Variants in TENM2 observed in about 807,000 individuals in gnomAD.
TENM2 encodes the protein teneurin transmembrane protein 2.
Under a neutral mutation model 245.2 loss-of-function variants are expected in TENM2, and 52 were observed. That is an observed-to-expected ratio of 0.21 (90% CI 0.17 to 0.27). The LOEUF is 0.27. TENM2 is among the 10% of genes least tolerant of loss of function. TENM2 has a pLI of 1.00. For synonymous variants in TENM2, 1,363 were observed against 1,438.9 expected (o/e 0.95, Z 1.19); for missense variants, 3,046 against 3,666.8 (o/e 0.83, Z 4.37).
chr5:168,111,263 A>C (rs1242595533), intron 9 of TENM2, among the ~76,000 whole-genome samples: 1 of 152,106 alleles, frequency 6.6e-6, no homozygotes. Flanking sequence ...CATTTGACAG[A>C]ATGGGAATGA....
intron 1 of TENM2, among the ~76,000 whole-genome samples, chr5:167,323,596 AAGAAGTCAAAAAATTG>A (rs1331686186): frequency 1.3e-5 from 2 of 152,140 alleles, no homozygotes; most frequent in African/African-American, 4.8e-5. Context: ...GCTAATTTTG[AAGAAGTCAAAAAATTG>A]AGAAGAGTAG....
At chr5:167,028,457 C>T in the TENM2 span, among the ~76,000 whole-genome samples, 3 of 152,018 alleles carry the variant, frequency 2.0e-5, no homozygotes, top group Non-Finnish European at 4.4e-5. Flanking sequence ...TTTTTACCAG[C>T]AGTGTGTTTT....
intron 2 of TENM2, among the ~76,000 whole-genome samples, chr5:167,550,699 AGTGTGTGTGTGT>A (rs10581183): frequency 0.017 from 1,994 of 114,156 alleles, 133 homozygotes; most frequent in South Asian, 0.069. Context: ...TGTTGTTGTT[AGTGTGTGTGTGT>A]GTGTGTGTGT....
At chr5:167,076,634 A>G in the TENM2 span, among the ~76,000 whole-genome samples, 2 of 152,218 alleles carry the variant, frequency 1.3e-5, no homozygotes, top group Non-Finnish European at 2.9e-5. Flanking sequence ...TACTAAATAT[A>G]TAAGTGACCA....
intron 2 of TENM2, among the ~76,000 whole-genome samples, chr5:167,600,406 G>A (rs1345823355): frequency 6.6e-6 from 1 of 151,988 alleles, no homozygotes; most frequent in Non-Finnish European, 1.5e-5. Context: ...TAATTTTAAG[G>A]ACAGTTCTAA....
At chr5:167,637,974 T>TA (rs75360328) in intron 2 of TENM2, among the ~76,000 whole-genome samples, 21,167 of 142,850 alleles carry the variant, frequency 0.15, 2,243 homozygotes, top group East Asian at 0.48. Flanking sequence ...GAACTTAAAG[T>TA]AAAAAAAAAA....
chr5:167,926,927 T>A (rs60838429), intron 3 of TENM2, among the ~76,000 whole-genome samples: 24,103 of 152,134 alleles, frequency 0.16, 2,654 homozygotes, highest in African/African-American at 0.31. Context: ...CAACTGCATG[T>A]GACACTACAA....
In TENM2 at chr5:168,072,424, G is replaced by A. The variant is rs578241235; in HGVS notation, c.1515+10159G>A. On this transcript the variant is annotated intron_variant, in intron 7 of 28. Transcript: ENST00000518659. ...GGCAGCATGATGAGGGCATGACCTC[G>A]TGAGAAGATGAAATATAAAATCAAT... 6.6e-4 allele frequency among the ~76,000 whole-genome samples: 100 copies of A among 152,288 alleles called. 1 individual carries two copies. The highest frequency in any genetic ancestry group is 6.8e-3 in the Middle Eastern group (2 of 294).
chr5:167,920,199 A>C (rs1046036364), intron 3 of TENM2, among the ~76,000 whole-genome samples: 5 of 152,056 alleles, frequency 3.3e-5, no homozygotes, highest in African/African-American at 1.2e-4. Context: ...CACTTAAAAA[A>C]TATTTGTATG....
intron 13 of TENM2, chr5:168,185,175 T>C (rs890794872): frequency 6.6e-6 from 1 of 152,238 alleles, no homozygotes; most frequent in African/African-American, 2.4e-5. Context: ...TCAGACTTCC[T>C]TGGGGAAGGA....
At position 167,562,957 on chromosome 5, in the gene TENM2, CAAAAAAA is replaced by C. The variant is rs58779751; in HGVS notation, c.502+187496_502+187502del. Among the ~76,000 whole-genome samples, 922 of 77,610 alleles carry C rather than the reference CAAAAAAA, an allele frequency of 0.012. 30 individuals carry two copies. In the East Asian group the frequency reaches 0.14, roughly 12 times the overall value. 50.9% of individuals were successfully genotyped at this position (77,610 alleles called of 152,430 possible). On this transcript the variant is annotated intron_variant, in intron 2 of 28. Transcript: ENST00000518659. ...GGGCAACAAGAGCGAAATTCTGTCT[CAAAAAAA>C]AAAAAAAAAAAGAAAAAGAAAAAGC... is the stretch of plus-strand genomic sequence containing the variant.
chr5:167,175,039 A>G, the TENM2 span, among the ~76,000 whole-genome samples: 3 of 152,024 alleles, frequency 2.0e-5, no homozygotes, highest in Non-Finnish European at 4.4e-5. Flanking sequence ...GTATATTCAC[A>G]TGCTATAGAT....
chr5:167,012,338 T>C, the TENM2 span, among the ~76,000 whole-genome samples: 2 of 152,216 alleles, frequency 1.3e-5, no homozygotes, highest in African/African-American at 4.8e-5. Context: ...GACATCATAG[T>C]GACCAAGACT....
chr5:167,642,960 T>C (rs1228945796), intron 2 of TENM2, among the ~76,000 whole-genome samples: 1 of 152,184 alleles, frequency 6.6e-6, no homozygotes, highest in East Asian at 1.9e-4. Context: ...AATGCCACAG[T>C]GCTCAGCGGA....
At chr5:167,179,626 C>G in the TENM2 span, among the ~76,000 whole-genome samples, 1 of 152,118 alleles carries the variant, frequency 6.6e-6, no homozygotes, top group African/African-American at 2.4e-5. Flanking sequence ...TATATACTTA[C>G]AACTTTTAGT....
intron 2 of TENM2, among the ~76,000 whole-genome samples, chr5:167,773,194 T>C (rs1763516799): frequency 6.6e-6 from 1 of 152,218 alleles, no homozygotes; most frequent in Non-Finnish European, 1.5e-5. Flanking sequence ...TTTAACCTGC[T>C]TAAATTGGAT....
At chr5:167,036,848 T>C in the TENM2 span, among the ~76,000 whole-genome samples, 1 of 152,208 alleles carries the variant, frequency 6.6e-6, no homozygotes, top group African/African-American at 2.4e-5. Flanking sequence ...TATTTCCTGC[T>C]TCTCTTTCTA....
chr5:167,805,349 T>G (rs1766083931), intron 2 of TENM2, among the ~76,000 whole-genome samples: 1 of 152,198 alleles, frequency 6.6e-6, no homozygotes, highest in Non-Finnish European at 1.5e-5. Context: ...TGAGAAATTT[T>G]TTATACAATC....
intron 2 of TENM2, among the ~76,000 whole-genome samples, chr5:167,445,367 A>T (rs72829357): frequency 0.095 from 9,315 of 97,870 alleles, 436 homozygotes; most frequent in Non-Finnish European, 0.14. Context: ...AGAGAGAGAG[A>T]GAGTGTCAGG....
Sources: allele counts gnomAD v4.1 joint callset (sites outside exome capture counted in the v4.1 genomes callset), GRCh38; gene constraint gnomAD v4.1.1; transcripts MANE v1.5; gene names NCBI Gene and HGNC (gene_info 2026-07-23, HGNC 2026-07-21).